The following RIMS2 variants were observed in gnomAD, a reference collection of about 807,000 sequenced individuals.
RIMS2 encodes the protein regulating synaptic membrane exocytosis 2.
RIMS2 carries 59 observed loss-of-function variants against 174.4 expected under a neutral mutation model. That is an observed-to-expected ratio of 0.34 (90% confidence interval 0.27 to 0.42). The LOEUF is 0.42. Ranked by LOEUF, RIMS2 falls within the 10% of genes least tolerant of loss-of-function variation. The pLI is 1.00. For missense variants in RIMS2, 1,620 were observed against 1,666.3 expected (o/e 0.97, Z 0.48); for synonymous variants, 606 against 572.5 (o/e 1.06, Z -0.84).
In RIMS2 at chr8:103,970,290, G is replaced by A. The variant is rs79724858; in HGVS notation, c.2771-5060G>A. ...AAGATGGTTAGAGTGGGCTGGAAAT[G>A]TTTTCTTTCTCCTGTGTGGAAAGCT... On this transcript the variant is annotated intron_variant, in intron 15 of 23. Transcript: ENST00000504942. 9.8e-3 allele frequency among the ~76,000 whole-genome samples: 1,498 copies of A among 152,212 alleles called. 19 individuals carry two copies. Among genetic ancestry groups the A allele is most frequent in the South Asian group, 0.046 (222 of 4,824 alleles).
intron 2 of RIMS2, among the ~76,000 whole-genome samples, chr8:103,741,756 AT>A (rs1315412057): frequency 6.6e-6 from 1 of 152,094 alleles, no homozygotes; most frequent in African/African-American, 2.4e-5. Flanking sequence ...GCTTTAAGTT[AT>A]TTTTATAAGT....
At chr8:103,980,238 C>G (rs910530800) in intron 16 of RIMS2, among the ~76,000 whole-genome samples, 9 of 152,142 alleles carry the variant, frequency 5.9e-5, no homozygotes, top group Admixed American at 3.3e-4. Context: ...ATCTTGCATA[C>G]CAGCTCAGCC....
chr8:103,620,496 G>A (rs16870578), intron 1 of RIMS2, among the ~76,000 whole-genome samples: 18,868 of 151,768 alleles, frequency 0.12, 1,266 homozygotes, highest in Middle Eastern at 0.22. Flanking sequence ...ATTAGTTTGG[G>A]GTGAAAACCT....
chr8:103,744,469 A>AT (rs1239010910), intron 2 of RIMS2, among the ~76,000 whole-genome samples: 1 of 151,924 alleles, frequency 6.6e-6, no homozygotes, highest in African/African-American at 2.4e-5. Flanking sequence ...GTATGGCTTT[A>AT]TTTTTTTTAA....
chr8:103,524,201 C>G (rs1832937937), intron 1 of RIMS2, among the ~76,000 whole-genome samples: 1 of 150,600 alleles, frequency 6.6e-6, no homozygotes. Context: ...CATTGGTATA[C>G]TTAAGAAATA....
intron 19 of RIMS2, among the ~76,000 whole-genome samples, chr8:104,232,005 T>C (rs1379596318): frequency 6.6e-6 from 1 of 151,712 alleles, no homozygotes; most frequent in Non-Finnish European, 1.5e-5. Context: ...TCTAGGAACT[T>C]ACTACCACTC....
intron 10 of RIMS2, among the ~76,000 whole-genome samples, chr8:103,923,384 C>T (rs1595223851): frequency 6.6e-6 from 1 of 151,786 alleles, no homozygotes; most frequent in East Asian, 1.9e-4. Flanking sequence ...TTTGTTATCT[C>T]ATTTGAATCC....
At chr8:103,569,808 C>T (rs1331670706) in intron 1 of RIMS2, among the ~76,000 whole-genome samples, 1 of 142,850 alleles carries the variant, frequency 7.0e-6, no homozygotes, top group African/African-American at 2.6e-5. Flanking sequence ...TTTTTTTTGG[C>T]AGAGACAGGG....
intron 4 of RIMS2, among the ~76,000 whole-genome samples, chr8:103,891,555 G>A (rs979045014): frequency 1.3e-5 from 2 of 152,056 alleles, no homozygotes; most frequent in Non-Finnish European, 2.9e-5. Flanking sequence ...TCTTCTTTAA[G>A]TTGAGGTCTG....
At chr8:104,221,403 T>TA (rs917609931) in intron 19 of RIMS2, among the ~76,000 whole-genome samples, 11 of 152,132 alleles carry the variant, frequency 7.2e-5, no homozygotes, top group Non-Finnish European at 1.6e-4. Context: ...ACCCACAGTT[T>TA]AAAAAAAATT....
chr8:104,054,912 A>G (rs1037010966), intron 19 of RIMS2, among the ~76,000 whole-genome samples: 14 of 152,136 alleles, frequency 9.2e-5, no homozygotes, highest in Admixed American at 6.6e-5. Flanking sequence ...ATATGAAGTG[A>G]TATATCTAAC....
chr8:103,512,048 A>G (rs1826708581), intron 1 of RIMS2, among the ~76,000 whole-genome samples: 1 of 152,124 alleles, frequency 6.6e-6, no homozygotes. Context: ...CTTATTGGGA[A>G]GCCACCTCTT....
chr8:103,936,676 G>A lies in RIMS2; in HGVS notation c.2501G>A (p.Trp834Ter). The change falls in exon 13 of 24, where the codon TGG (tryptophan) becomes TAG (stop). Residue 834 changes from tryptophan (W) to a stop codon, truncating the protein, a stop_gained. Transcript: ENST00000504942. LOFTEE classifies it high-confidence loss of function. ...GAACGAATGCTAGAGATTACCCTTTGGGATCAAGCTCGTGTTCGAGAGGAA... is the reference window on the plus strand; with the variant it reads ...GAACGAATGCTAGAGATTACCCTTTAGGATCAAGCTCGTGTTCGAGAGGAA... 6.2e-7 allele frequency: 1 copy of A among 1,610,192 alleles called. No individual in the cohort carries two copies. Among genetic ancestry groups the A allele is most frequent in the Non-Finnish European group, 8.5e-7 (1 of 1,178,420 alleles).
intron 3 of RIMS2, among the ~76,000 whole-genome samples, chr8:103,883,710 T>C (rs1230965057): frequency 6.6e-6 from 1 of 151,870 alleles, no homozygotes; most frequent in African/African-American, 2.4e-5. Flanking sequence ...CCTGGCTTTG[T>C]ACTTACATGA....
downstream of RIMS2, chr8:104,251,910 T>C: frequency 3.9e-6 from 3 of 762,548 alleles, no homozygotes; most frequent in Non-Finnish European, 6.7e-6. Context: ...CACTGCATGC[T>C]TAATGTTGTG....
downstream of RIMS2, chr8:104,253,201 A>G (rs1248963256): frequency 1.3e-5 from 2 of 152,176 alleles, no homozygotes; most frequent in Non-Finnish European, 2.9e-5. Context: ...GTGATGTCCA[A>G]TAAATTTGTT....
chr8:103,589,819 TAAAC>T (rs1456465498), intron 1 of RIMS2, among the ~76,000 whole-genome samples: 1 of 151,376 alleles, frequency 6.6e-6, no homozygotes, highest in East Asian at 1.9e-4. Context: ...TTAAGTAAAA[TAAAC>T]AAGTCACAGA....
intron 19 of RIMS2, among the ~76,000 whole-genome samples, chr8:104,237,726 A>G (rs77465019): frequency 0.014 from 2,161 of 152,242 alleles, 55 homozygotes; most frequent in African/African-American, 0.049. Context: ...TTAATTTTTA[A>G]TCTCAATTTT....
intron 3 of RIMS2, among the ~76,000 whole-genome samples, chr8:103,850,687 T>G (rs2098993028): frequency 6.6e-6 from 1 of 152,082 alleles, no homozygotes; most frequent in South Asian, 2.1e-4. Flanking sequence ...TGTATTTATA[T>G]TTCTGGCTAC....
Sources: gnomAD v4.1 joint callset for allele counts (sites outside exome capture counted in the v4.1 genomes callset) on GRCh38, gnomAD v4.1.1 for gene constraint, MANE v1.5 for transcripts, NCBI Gene and HGNC (gene_info 2026-07-23, HGNC 2026-07-21) for gene names.